ERG: variants seen among roughly 807,000 people sequenced by gnomAD.
The protein encoded by ERG is transcriptional regulator ERG.
In ERG, 9 loss-of-function variants were observed where a neutral mutation model predicts 55.3. That is an observed-to-expected ratio of 0.16 (90% CI 0.10 to 0.28). The LOEUF (loss-of-function observed/expected upper bound fraction) is 0.28, where lower values mean the gene tolerates loss of function less well. Ranked by LOEUF, ERG falls within the 10% of genes least tolerant of loss-of-function variation. ERG has a pLI of 1.00. For missense variants in ERG, 434 were observed against 631.6 expected (o/e 0.69, Z 3.35); for synonymous variants, 223 against 237.3 (o/e 0.94, Z 0.55).
chr21:38,492,403 G>GACATTTA (rs2059344352), intron 1 of ERG, among the ~76,000 whole-genome samples: 1 of 152,084 alleles, frequency 6.6e-6, no homozygotes, highest in Non-Finnish European at 1.5e-5. Flanking sequence ...TATTTTACTA[G>GACATTTA]GAGAAATGTC....
chr21:38,627,504 GA>G (rs11365739), intron 1 of ERG, among the ~76,000 whole-genome samples: 64,808 of 150,582 alleles, frequency 0.43, 14,549 homozygotes, highest in Non-Finnish European at 0.51. Flanking sequence ...TTGCCAGGAG[GA>G]AAAAAAAAAT....
In ERG at chr21:38,613,129, G is replaced by A. The variant is rs558522073; in HGVS notation, c.-149-28184C>T. Among the ~76,000 whole-genome samples the A allele has an allele frequency of 1.1e-4, 16 of 152,256 alleles. No homozygotes were observed. In the South Asian group the frequency reaches 1.9e-3, roughly 18 times the overall value. ...ACTCTTAAACTACATTTTAAGCACC[G>A]CATAGGAAGAAGGTGTTCATCTGAG... On this transcript the variant is annotated intron_variant, in intron 1 of 10. Coordinates refer to the ERG transcript ENST00000398910.
chr21:38,479,579 C>T lies in ERG; in HGVS notation c.18+18784G>A, dbSNP rs1390916502. ...CATAAAGAAGAAGGTCGTGGGATGA[C>T]AAAAGCAGAGACGGAAGGGATGCAT... On this transcript the variant is annotated intron_variant, in intron 1 of 9. Coordinates refer to ENST00000288319, the MANE Select transcript of ERG (RefSeq NM_182918.4). Among the ~76,000 whole-genome samples, 5 of 152,264 alleles carry T rather than the reference C, an allele frequency of 3.3e-5. No individual in the cohort carries two copies. In the South Asian group the frequency reaches 8.3e-4, roughly 25 times the overall value.
chr21:38,447,816 C>T (rs1019630934), intron 1 of ERG, among the ~76,000 whole-genome samples: 1 of 152,030 alleles, frequency 6.6e-6, no homozygotes, highest in Admixed American at 6.6e-5. Flanking sequence ...TCGACCAAGG[C>T]TCGCAGGGGA....
chr21:38,510,954 T>C (rs2059506941), intron 2 of ERG, among the ~76,000 whole-genome samples: 1 of 152,212 alleles, frequency 6.6e-6, no homozygotes, highest in Admixed American at 6.5e-5. Flanking sequence ...TTTCTGATCT[T>C]TAACAAACCA....
chr21:38,376,420 G>A (rs527490009), downstream of ERG, among the ~76,000 whole-genome samples: 2 of 152,290 alleles, frequency 1.3e-5, no homozygotes, highest in African/African-American at 4.8e-5. Flanking sequence ...GTCCTACCCT[G>A]ATGGAAACCG....
chr21:38,481,911 A>G (rs1484352437), intron 1 of ERG, among the ~76,000 whole-genome samples: 1 of 152,248 alleles, frequency 6.6e-6, no homozygotes, highest in Non-Finnish European at 1.5e-5. Flanking sequence ...AGAAAGACTT[A>G]TTATATAATA....
chr21:38,645,930 C>T (rs541982842), intron 1 of ERG, among the ~76,000 whole-genome samples: 19 of 152,280 alleles, frequency 1.2e-4, no homozygotes, highest in African/African-American at 3.4e-4. Context: ...CGTCGACCAG[C>T]ACAAAGCATC....
chr21:38,450,405 A>C (rs1332296187), intron 1 of ERG, among the ~76,000 whole-genome samples: 1 of 152,104 alleles, frequency 6.6e-6, no homozygotes, highest in Non-Finnish European at 1.5e-5. Flanking sequence ...TAAGAAATAA[A>C]AAATAAAAAA....
In ERG at chr21:38,611,160, C is replaced by T. The variant is rs116388736; in HGVS notation, c.-149-26215G>A. On this transcript the variant is annotated intron_variant, in intron 1 of 10. Coordinates refer to the ERG transcript ENST00000398910. ...AGAATAACACGCATGCCCTCATCAC[C>T]GCCCACCTCCCCACCTCCACTGCAA... is the stretch of plus-strand genomic sequence containing the variant. Among the ~76,000 whole-genome samples the T allele has an allele frequency of 4.1e-3, 622 of 152,232 alleles. 5 individuals are homozygous for T. Among genetic ancestry groups the T allele is most frequent in the African/African-American group, 0.014 (580 of 41,524 alleles).
intron 1 of ERG, among the ~76,000 whole-genome samples, chr21:38,465,402 A>C (rs2059079366): frequency 6.6e-6 from 1 of 152,192 alleles, no homozygotes; most frequent in Admixed American, 6.5e-5. Context: ...GATTAGAGGG[A>C]GGGAGGGGTG....
chr21:38,568,371 G>C (rs916620650), intron 2 of ERG, among the ~76,000 whole-genome samples: 1 of 152,130 alleles, frequency 6.6e-6, no homozygotes, highest in African/African-American at 2.4e-5. Flanking sequence ...AAACTCATTA[G>C]CTAATTTATT....
At chr21:38,375,630 G>A (rs747381950), downstream of ERG, among the ~76,000 whole-genome samples, 1 of 152,186 alleles carries the variant, frequency 6.6e-6, no homozygotes, top group African/African-American at 2.4e-5. Context: ...GAACTGGATT[G>A]AGAAAAGGAA....
At chr21:38,511,949 G>A (rs531034809) in intron 2 of ERG, among the ~76,000 whole-genome samples, 22 of 152,310 alleles carry the variant, frequency 1.4e-4, no homozygotes, top group African/African-American at 5.3e-4. Flanking sequence ...AACTGTCCCA[G>A]TTGAGAACCA....
downstream of ERG, among the ~76,000 whole-genome samples, chr21:38,378,548 A>G (rs1179770146): frequency 6.6e-6 from 1 of 152,190 alleles, no homozygotes; most frequent in African/African-American, 2.4e-5. Context: ...GTCCTGAATC[A>G]ATGGGTGATA....
intron 1 of ERG, among the ~76,000 whole-genome samples, chr21:38,578,899 G>C (rs540512233): frequency 4.6e-5 from 7 of 152,122 alleles, no homozygotes; most frequent in Admixed American, 3.9e-4. Flanking sequence ...CGAGATCTTC[G>C]TTAAAATTTT....
intron 1 of ERG, among the ~76,000 whole-genome samples, chr21:38,597,497 A>ACACACG (rs1374808594): frequency 6.6e-6 from 1 of 151,824 alleles, no homozygotes; most frequent in Non-Finnish European, 1.5e-5. Flanking sequence ...ACACACACAC[A>ACACACG]CACGCACACA....
chr21:38,605,929 CGTAG>C (rs1255875644), intron 1 of ERG, among the ~76,000 whole-genome samples: 1 of 147,228 alleles, frequency 6.8e-6, no homozygotes, highest in Non-Finnish European at 1.5e-5. Context: ...GAGATAGGTA[CGTAG>C]GTAAATAGGT....
rs7277316 is a variant in ERG, at chr21:38,448,852, T to C, written c.19-3231A>G. 8.7e-3 allele frequency among the ~76,000 whole-genome samples: 1,323 copies of C among 152,254 alleles called. 22 individuals are homozygous for C. Among genetic ancestry groups the C allele is most frequent in the African/African-American group, 0.03 (1,249 of 41,516 alleles). ...AAAGGGGAGAGAGGATCTAGCCCAG[T>C]AGGATTAAAACCAGAAAAAGAGTGC... On this transcript the variant is annotated intron_variant, in intron 1 of 9. Transcript: ENST00000288319.
Sources: gnomAD v4.1 joint callset for allele counts (sites outside exome capture counted in the v4.1 genomes callset) on GRCh38, gnomAD v4.1.1 for gene constraint, MANE v1.5 for transcripts, NCBI Gene and HGNC (gene_info 2026-07-23, HGNC 2026-07-21) for gene names.